Variants in ZSCAN5A observed in about 807,000 individuals in gnomAD.
The protein encoded by ZSCAN5A is zinc finger and SCAN domain containing 5A, also known as zinc finger and SCAN domain-containing protein 5A.
ZSCAN5A carries 12 observed loss-of-function variants against 23.7 expected under a neutral mutation model. The ratio of observed to expected loss-of-function variants is 0.51; its 90% confidence interval spans 0.32 to 0.82. The LOEUF (loss-of-function observed/expected upper bound fraction) is 0.82. Among genes scored for constraint, ZSCAN5A ranks in the 40% least tolerant of loss-of-function variants. The probability of loss-of-function intolerance (pLI) is 0.03; values close to 1 mark genes in which losing one functional copy is unlikely to be tolerated. For missense variants in ZSCAN5A, 597 were observed against 617.9 expected (o/e 0.97, Z 0.36); for synonymous variants, 257 against 239.9 (o/e 1.07, Z -0.66).
chr19:56,314,352 C>A (rs2041231544), intron 1 of ZSCAN5A: 1 of 152,134 alleles, frequency 6.6e-6, no homozygotes, highest in South Asian at 2.1e-4. Context: ...GTCTGGGTTT[C>A]CAATCAAAAA....
At chr19:56,246,981 A>G (rs1223560332) in intron 2 of ZSCAN5A, 3 of 1,406,532 alleles carry the variant, frequency 2.1e-6, no homozygotes, top group African/African-American at 2.8e-5. Context: ...AACCTGAGAT[A>G]AATTCAGTTT....
Position 56,221,584 on chromosome 19 carries a change from A to C in ZSCAN5A, c.1482T>G (p.Thr494=). The change falls in exon 6 of 6, where the codon ACT becomes ACG. Residue 494 remains threonine, a synonymous_variant. Transcript: ENST00000683990. ...RRHQKTHPEA[T]SQ ...AGACCGGATTATGCAATCACTGAGA[A>C]GTAGCTTCTGGATGTGTTTTCTGGT... 1 of 1,596,854 alleles carries C rather than the reference A, an allele frequency of 6.3e-7. No homozygotes were observed. Among genetic ancestry groups the C allele is most frequent in the Non-Finnish European group, 8.5e-7 (1 of 1,172,216 alleles).
rs534463173 is a variant in ZSCAN5A, at chr19:56,246,001, G to C, written c.-127-20828C>G. Among the ~76,000 whole-genome samples the C allele has an allele frequency of 5.0e-4, 76 of 152,250 alleles. 1 individual carries two copies. The South Asian group carries it at 0.015, about 29-fold the overall frequency. ...GCCAGGGGTTAGGGGCCTCCACCTA[G>C]AGTCATGCTCCTTCCAGTGTCAGGG... On this transcript the variant is annotated intron_variant, in intron 2 of 5. Transcript: ENST00000683990.
chr19:56,264,139 A>G (rs1435113557), intron 2 of ZSCAN5A, among the ~76,000 whole-genome samples: 2 of 151,902 alleles, frequency 1.3e-5, no homozygotes, highest in East Asian at 1.9e-4. Context: ...GATTGCAGGC[A>G]CCCGCCACCT....
Position 56,270,373 on chromosome 19 carries a change from C to T in ZSCAN5A, c.-128+42910G>A, listed in dbSNP as rs183935128. Among the ~76,000 whole-genome samples the T allele has an allele frequency of 6.0e-3, 907 of 152,168 alleles. 8 individuals are homozygous for T. The highest frequency in any genetic ancestry group is 0.041 in the Middle Eastern group (12 of 294). On this transcript the variant is annotated intron_variant, in intron 2 of 5. Transcript: ENST00000683990. ...GCGGAGGCTTGCAGTGAGTTGAAAT[C>T]GTGCCATTGCAATCCAGCCTGGGCG...
intron 2 of ZSCAN5A, among the ~76,000 whole-genome samples, chr19:56,288,816 TTC>T (rs2147134066): frequency 6.6e-6 from 1 of 152,304 alleles, no homozygotes; most frequent in South Asian, 2.1e-4. Context: ...TAATGTTGAT[TTC>T]TCTCTCTACT....
chr19:56,264,230 A>C (rs1272922269), intron 2 of ZSCAN5A, among the ~76,000 whole-genome samples: 1 of 152,152 alleles, frequency 6.6e-6, no homozygotes. Flanking sequence ...TCCTGACCTC[A>C]AGTGATCCAC....
chr19:56,298,228 A>G (rs991473784), intron 2 of ZSCAN5A: 3 of 152,228 alleles, frequency 2.0e-5, no homozygotes, highest in African/African-American at 7.2e-5. Flanking sequence ...TCTTGCAGGT[A>G]ACAAAATAAC....
At chr19:56,342,889 A>G in intron 2 of ZSCAN5A, 1 of 1,001,582 alleles carries the variant, frequency 1.0e-6, no homozygotes, top group Non-Finnish European at 1.6e-6. Flanking sequence ...CACTTCAGGT[A>G]GTCTCCCCAT....
intron 2 of ZSCAN5A, among the ~76,000 whole-genome samples, chr19:56,330,641 GTC>G (rs1174570079): frequency 2.6e-5 from 4 of 152,098 alleles, no homozygotes; most frequent in African/African-American, 9.7e-5. Context: ...TTTGACAAGT[GTC>G]TGTTTACATC....
intron 2 of ZSCAN5A, among the ~76,000 whole-genome samples, chr19:56,298,600 C>G (rs2040031833): frequency 6.6e-6 from 1 of 151,072 alleles, no homozygotes; most frequent in East Asian, 1.9e-4. Flanking sequence ...CTGCAGTGAG[C>G]TGAGATCGTG....
At chr19:56,353,507 C>T (rs1301444090) in intron 2 of ZSCAN5A, among the ~76,000 whole-genome samples, 1 of 152,076 alleles carries the variant, frequency 6.6e-6, no homozygotes, top group Non-Finnish European at 1.5e-5. Context: ...CGGTGGCTCA[C>T]GCCTGTAATC....
chr19:56,285,983 G>A (rs1222173313), intron 2 of ZSCAN5A, among the ~76,000 whole-genome samples: 1 of 152,148 alleles, frequency 6.6e-6, no homozygotes, highest in Non-Finnish European at 1.5e-5. Flanking sequence ...GGGGATGCTT[G>A]TTTCCCCACA....
At chr19:56,342,398 G>C (rs572863989) in intron 2 of ZSCAN5A, 1 of 268,284 alleles carries the variant, frequency 3.7e-6, no homozygotes, top group East Asian at 8.4e-5. Flanking sequence ...AGTACCCTTA[G>C]TTTAGTAAAA....
At position 56,222,101 on chromosome 19, in the gene ZSCAN5A, C is replaced by A; in HGVS notation, c.965G>T (p.Arg322Ile). ...PQGEATPVGNRESPGQAGMNS... is the reference protein window; with the variant it reads ...PQGEATPVGNIESPGQAGMNS... ...CATCCCAGCTTGTCCCGGGGATTCT[C>A]TGTTGCCCACAGGTGTGGCTTCTCC... The change falls in exon 6 of 6, where the codon AGA (arginine) becomes ATA (isoleucine). Residue 322 changes from arginine (R) to isoleucine (I), a missense_variant. Physicochemically the swap from Arg to Ile is moderately conservative, Grantham distance 97 (BLOSUM62 -3). Around this residue, in one of 5 missense-constraint regions of ZSCAN5A, gnomAD observed 406 missense variants for 353.2 expected, o/e 1.15. Transcript: ENST00000683990. 6.2e-7 allele frequency: 1 copy of A among 1,614,168 alleles called. No homozygotes were observed. The highest frequency in any genetic ancestry group is 8.5e-7 in the Non-Finnish European group (1 of 1,180,050).
chr19:56,223,142 C>T (rs2033473087), intron 4 of ZSCAN5A, among the ~76,000 whole-genome samples: 1 of 152,086 alleles, frequency 6.6e-6, no homozygotes, highest in South Asian at 2.1e-4. Flanking sequence ...GAGCAGAGAC[C>T]CCACCTCCAC....
At chr19:56,248,408 C>G (rs1242621332) in intron 2 of ZSCAN5A, among the ~76,000 whole-genome samples, 1 of 152,022 alleles carries the variant, frequency 6.6e-6, no homozygotes, top group African/African-American at 2.4e-5. Context: ...CTAGAACACA[C>G]CACACCATGT....
At chr19:56,275,139 T>G (rs1320651795) in intron 2 of ZSCAN5A, among the ~76,000 whole-genome samples, 1 of 152,218 alleles carries the variant, frequency 6.6e-6, no homozygotes, top group Non-Finnish European at 1.5e-5. Flanking sequence ...TCTGCCAGGT[T>G]TCTCCACTGT....
chr19:56,234,112 G>A (rs750385040), intron 2 of ZSCAN5A, among the ~76,000 whole-genome samples: 12 of 152,170 alleles, frequency 7.9e-5, no homozygotes, highest in Admixed American at 3.3e-4. Context: ...AGGAGAGGAG[G>A]TGTGTGGGAT....
Sources: gnomAD v4.1 joint callset for allele counts (sites outside exome capture counted in the v4.1 genomes callset) on GRCh38, gnomAD v4.1.1 for gene constraint, gnomAD v4.1.1 regional missense constraint, MANE v1.5 for transcripts, NCBI Gene and HGNC (gene_info 2026-07-23, HGNC 2026-07-21) for gene names.